The following HCRTR2 variants were observed in gnomAD, a reference collection of about 807,000 sequenced individuals.
HCRTR2 encodes orexin receptor type 2.
In HCRTR2, 22 loss-of-function variants were observed where a neutral mutation model predicts 49.0. The observed-to-expected ratio is 0.45, with a 90% CI of 0.32 to 0.64. The LOEUF (loss-of-function observed/expected upper bound fraction) is 0.64, where lower values mean the gene tolerates loss of function less well. HCRTR2 is among the 30% of genes least tolerant of loss of function. The pLI is 0.04. For synonymous variants in HCRTR2, 236 were observed against 205.3 expected (o/e 1.15, Z -1.28); for missense variants, 491 against 559.4 (o/e 0.88, Z 1.23).
intron 1 of HCRTR2, among the ~76,000 whole-genome samples, chr6:55,197,369 C>G (rs905486870): frequency 6.6e-6 from 1 of 152,106 alleles, no homozygotes; most frequent in Non-Finnish European, 1.5e-5. Context: ...TACTTCCCAC[C>G]CTGACTCTGA....
intron 1 of HCRTR2, among the ~76,000 whole-genome samples, chr6:55,248,386 C>T (rs11965527): frequency 0.013 from 1,977 of 152,090 alleles, 43 homozygotes; most frequent in African/African-American, 0.046. Context: ...CTGGCATTTG[C>T]AATTCAAAAT....
intron 1 of HCRTR2, among the ~76,000 whole-genome samples, chr6:55,134,777 A>G (rs1013947497): frequency 2.0e-5 from 3 of 151,980 alleles, no homozygotes; most frequent in African/African-American, 7.2e-5. Flanking sequence ...AATGTCCTCC[A>G]GGTTCATCCA....
chr6:55,175,708 G>T (rs1454972122), intron 1 of HCRTR2, among the ~76,000 whole-genome samples: 1 of 152,120 alleles, frequency 6.6e-6, no homozygotes, highest in Non-Finnish European at 1.5e-5. Flanking sequence ...ATTTCTGAGG[G>T]TTGGGGAGGG....
At chr6:55,277,182 CA>C (rs1767092252) in intron 4 of HCRTR2, among the ~76,000 whole-genome samples, 197 bp from the exon 5 acceptor site, 2 of 152,102 alleles carry the variant, frequency 1.3e-5, no homozygotes, top group African/African-American at 2.4e-5. Context: ...TTTTTCCACA[CA>C]AACTCCTATT....
At chr6:55,135,413 A>C (rs1226355644) in intron 1 of HCRTR2, among the ~76,000 whole-genome samples, 2 of 152,130 alleles carry the variant, frequency 1.3e-5, no homozygotes, top group African/African-American at 4.8e-5. Flanking sequence ...CTAGCTAATC[A>C]GAATATCGTA....
chr6:55,194,180 G>A (rs1234482062), intron 1 of HCRTR2, among the ~76,000 whole-genome samples: 1 of 152,122 alleles, frequency 6.6e-6, no homozygotes, highest in African/African-American at 2.4e-5. Context: ...CTTAGAATGG[G>A]AGTTTCCAAG....
At chr6:55,260,394 G>A (rs1307550871) in intron 3 of HCRTR2, among the ~76,000 whole-genome samples, 3 of 152,190 alleles carry the variant, frequency 2.0e-5, no homozygotes, top group African/African-American at 4.8e-5. Context: ...GCCATATGCT[G>A]TGTAGGCTGT....
At chr6:55,215,889 C>T (rs1000834809) in intron 1 of HCRTR2, among the ~76,000 whole-genome samples, 2 of 152,152 alleles carry the variant, frequency 1.3e-5, no homozygotes, top group African/African-American at 4.8e-5. Context: ...ACATCTGAGA[C>T]TAGGTCATTT....
intron 1 of HCRTR2, among the ~76,000 whole-genome samples, chr6:55,128,930 T>G (rs1764317562): frequency 6.6e-6 from 1 of 152,158 alleles, no homozygotes; most frequent in South Asian, 2.1e-4. Flanking sequence ...CCATGCACCA[T>G]GCTTCCAAAT....
chr6:55,123,493 A>C (rs1478788826), intron 1 of HCRTR2, among the ~76,000 whole-genome samples: 1 of 152,076 alleles, frequency 6.6e-6, no homozygotes, highest in Non-Finnish European at 1.5e-5. Flanking sequence ...ATTGTGGTGG[A>C]TAAGCTTTTT....
At chr6:55,257,260 AG>A (rs1766670959) in intron 3 of HCRTR2, among the ~76,000 whole-genome samples, 1 of 152,104 alleles carries the variant, frequency 6.6e-6, no homozygotes, top group South Asian at 2.1e-4. Context: ...AAGCCTAAAA[AG>A]GTCTTTCTCA....
intron 1 of HCRTR2, among the ~76,000 whole-genome samples, chr6:55,141,178 CAAAAAAA>C (rs57936133): frequency 1.5e-5 from 2 of 131,918 alleles, no homozygotes; most frequent in Non-Finnish European, 3.2e-5. Context: ...ACTAAAAATA[CAAAAAAA>C]AAAAAAAAAA....
chr6:55,283,940 A>G (rs1767240412), downstream of HCRTR2, among the ~76,000 whole-genome samples: 1 of 152,142 alleles, frequency 6.6e-6, no homozygotes, highest in Non-Finnish European at 1.5e-5. Context: ...TACAAGGTTT[A>G]TTGAGATCAT....
intron 2 of HCRTR2, among the ~76,000 whole-genome samples, chr6:55,253,835 C>T (rs1419069888): frequency 6.6e-6 from 1 of 152,022 alleles, no homozygotes; most frequent in Non-Finnish European, 1.5e-5. Flanking sequence ...GATGAGAACA[C>T]ATGGACACAT....
chr6:55,128,698 A>G (rs145979675), intron 1 of HCRTR2, among the ~76,000 whole-genome samples: 1 of 152,126 alleles, frequency 6.6e-6, no homozygotes, highest in Non-Finnish European at 1.5e-5. Flanking sequence ...TTTTTTATTT[A>G]CTTTTCAGAA....
chr6:55,266,867 C>T (rs1482301875), intron 4 of HCRTR2, among the ~76,000 whole-genome samples: 1 of 152,114 alleles, frequency 6.6e-6, no homozygotes, highest in Non-Finnish European at 1.5e-5. Context: ...TATAGTTTGA[C>T]ATTTCCCAAA....
At chr6:55,259,976 T>C (rs1766724083) in intron 3 of HCRTR2, among the ~76,000 whole-genome samples, 3 of 152,140 alleles carry the variant, frequency 2.0e-5, no homozygotes, top group Non-Finnish European at 4.4e-5. Flanking sequence ...ATTCAAACAA[T>C]CTATCCTACC....
intron 1 of HCRTR2, among the ~76,000 whole-genome samples, chr6:55,177,366 TGTCG>T (rs1765059369): frequency 6.6e-6 from 1 of 152,230 alleles, no homozygotes; most frequent in Admixed American, 6.5e-5. Context: ...AAACGAGTAG[TGTCG>T]TTACTCACAG....
Position 55,263,733 on chromosome 6 carries a change from A to G in HCRTR2, c.673A>G (p.Ile225Val). The G allele has an allele frequency of 6.2e-7, 1 of 1,611,076 alleles. No homozygotes were observed. The highest frequency in any genetic ancestry group is 8.5e-7 in the Non-Finnish European group (1 of 1,177,768). ...GGEIYPKMYHICFFLVTYMAP... is the reference protein window; with the variant it reads ...GGEIYPKMYHVCFFLVTYMAP... ...TGAAATTTATCCCAAGATGTACCACATCTGTTTCTTTCTGGTGACATACAT... is the reference window on the plus strand; with the variant it reads ...TGAAATTTATCCCAAGATGTACCACGTCTGTTTCTTTCTGGTGACATACAT... The change falls in exon 4 of 7, where the codon ATC becomes GTC. Residue 225 changes from isoleucine (I) to valine (V), a missense_variant. Physicochemically the swap from Ile to Val is conservative, Grantham distance 29. Transcript: ENST00000370862.
Sources: gnomAD v4.1 joint callset for allele counts (sites outside exome capture counted in the v4.1 genomes callset) on GRCh38, gnomAD v4.1.1 for gene constraint, MANE v1.5 for transcripts, NCBI Gene and HGNC (gene_info 2026-07-23, HGNC 2026-07-21) for gene names.